The following INPP4B variants were observed in gnomAD, a reference collection of about 807,000 sequenced individuals.
INPP4B encodes inositol polyphosphate 4-phosphatase type II.
Under a neutral mutation model 122.5 loss-of-function variants are expected in INPP4B, and 55 were observed. That is an observed-to-expected ratio of 0.45 (90% CI 0.36 to 0.56). The LOEUF is 0.56. INPP4B is among the 20% of genes least tolerant of loss of function. INPP4B has a pLI of 0.00. For synonymous variants in INPP4B, 403 were observed against 388.7 expected (o/e 1.04, Z -0.43); for missense variants, 1,000 against 1,097.7 (o/e 0.91, Z 1.26).
chr4:142,116,997 A>G (rs965271192), intron 21 of INPP4B, among the ~76,000 whole-genome samples: 6 of 152,232 alleles, frequency 3.9e-5, no homozygotes, highest in Admixed American at 3.3e-4. Context: ...CTGATCTCAC[A>G]GAAATACAAA....
intron 13 of INPP4B, 146 bp downstream of exon 13, chr4:142,208,750 T>C (rs780324630): frequency 2.7e-4 from 166 of 616,098 alleles, no homozygotes; most frequent in Non-Finnish European, 3.4e-4. Context: ...TTTTTCTTTG[T>C]TTTAAGATGT....
intron 1 of INPP4B, among the ~76,000 whole-genome samples, chr4:142,837,407 A>T (rs938123191): frequency 2.6e-5 from 4 of 152,142 alleles, no homozygotes; most frequent in African/African-American, 9.7e-5. Flanking sequence ...TCTGAGTAAA[A>T]TCAATCTTGG....
At chr4:142,410,842 CA>C (rs1258781137) in intron 5 of INPP4B, among the ~76,000 whole-genome samples, 2 of 152,070 alleles carry the variant, frequency 1.3e-5, no homozygotes, top group Non-Finnish European at 2.9e-5. Flanking sequence ...TGCATTAACA[CA>C]AAAAATGGAT....
chr4:142,195,789 T>A (rs2627831), intron 14 of INPP4B, among the ~76,000 whole-genome samples: 1 of 152,102 alleles, frequency 6.6e-6, no homozygotes, highest in Admixed American at 6.5e-5. Flanking sequence ...TTTAAATAAC[T>A]AACTTTTGCC....
At chr4:142,414,075 T>A (rs1355492876) in intron 5 of INPP4B, among the ~76,000 whole-genome samples, 1 of 152,182 alleles carries the variant, frequency 6.6e-6, no homozygotes, top group African/African-American at 2.4e-5. Context: ...CTTGCCACAT[T>A]GAGATTTGAG....
At chr4:142,456,179 T>C (rs1313072614) in intron 3 of INPP4B, among the ~76,000 whole-genome samples, 4 of 146,344 alleles carry the variant, frequency 2.7e-5, no homozygotes, top group African/African-American at 1.0e-4. Context: ...TTGTCCATTT[T>C]TGCTTGGTTG....
At chr4:142,340,630 C>G (rs1778386516) in intron 7 of INPP4B, among the ~76,000 whole-genome samples, 1 of 152,090 alleles carries the variant, frequency 6.6e-6, no homozygotes, top group African/African-American at 2.4e-5. Context: ...CCAGGCTGGT[C>G]TTGAACTCCT....
intron 3 of INPP4B, among the ~76,000 whole-genome samples, chr4:142,447,030 T>C (rs1428904558): frequency 1.3e-5 from 2 of 152,232 alleles, no homozygotes; most frequent in Admixed American, 6.5e-5. Flanking sequence ...TTTTTCTTTA[T>C]ATCTGTTATG....
chr4:142,805,219 T>C lies in INPP4B; in HGVS notation c.-254+40990A>G, dbSNP rs373120408. Among the ~76,000 whole-genome samples, 20 of 152,326 alleles carry C rather than the reference T, an allele frequency of 1.3e-4. No homozygotes were observed. The East Asian group carries it at 2.7e-3, about 21-fold the overall frequency. On this transcript the variant is annotated intron_variant, in intron 1 of 25. Coordinates refer to ENST00000262992, the MANE Select transcript of INPP4B (RefSeq NM_001101669.3). ...GGCTAAATCCTTAACATAATTTCAC[T>C]GAAAAATATTCTTAGTACGTAAACA...
intron 1 of INPP4B, among the ~76,000 whole-genome samples, chr4:142,754,425 G>A (rs951865725): frequency 6.6e-6 from 1 of 151,926 alleles, no homozygotes; most frequent in Non-Finnish European, 1.5e-5. Context: ...GTATATACCT[G>A]CTTTTTCTTT....
chr4:142,144,921 T>C (rs1282855734), intron 18 of INPP4B, among the ~76,000 whole-genome samples: 1 of 152,086 alleles, frequency 6.6e-6, no homozygotes, highest in Non-Finnish European at 1.5e-5. Flanking sequence ...GACTCTTTTT[T>C]TTTAAAGTAA....
chr4:142,660,412 C>A (rs1350981048), intron 2 of INPP4B, among the ~76,000 whole-genome samples: 2 of 152,070 alleles, frequency 1.3e-5, no homozygotes, highest in African/African-American at 4.8e-5. Context: ...AAAATGTATC[C>A]TGAACCCCTG....
At chr4:142,383,098 G>A (rs992358566) in intron 7 of INPP4B, among the ~76,000 whole-genome samples, 1 of 151,972 alleles carries the variant, frequency 6.6e-6, no homozygotes, top group Non-Finnish European at 1.5e-5. Flanking sequence ...GTTGATAGAT[G>A]TACTGATATT....
chr4:142,681,583 G>C (rs1758622695), intron 2 of INPP4B, among the ~76,000 whole-genome samples: 3 of 151,838 alleles, frequency 2.0e-5, no homozygotes, highest in Non-Finnish European at 4.4e-5. Flanking sequence ...GAGAGAGCAT[G>C]ATAGAAGAGG....
intron 10 of INPP4B, among the ~76,000 whole-genome samples, chr4:142,260,817 AAATG>A (rs1345102649): frequency 6.6e-6 from 1 of 152,212 alleles, no homozygotes; most frequent in East Asian, 1.9e-4. Context: ...AAAATGAGAA[AAATG>A]ATTATCCCCA....
chr4:142,687,995 G>T (rs1172443921), intron 2 of INPP4B, among the ~76,000 whole-genome samples: 2 of 151,896 alleles, frequency 1.3e-5, no homozygotes, highest in Non-Finnish European at 2.9e-5. Context: ...TTTTTGCCTT[G>T]AAAGAAACAC....
intron 2 of INPP4B, among the ~76,000 whole-genome samples, chr4:142,483,929 G>T (rs17016207): frequency 0.17 from 25,222 of 151,952 alleles, 2,316 homozygotes; most frequent in East Asian, 0.36. Context: ...GTTGGTGAGA[G>T]AGAAGTTGGT....
At chr4:142,822,526 C>T (rs1333855510) in intron 1 of INPP4B, among the ~76,000 whole-genome samples, 1 of 152,128 alleles carries the variant, frequency 6.6e-6, no homozygotes, top group Non-Finnish European at 1.5e-5. Flanking sequence ...CTATTGTGAA[C>T]TCTGCATGCA....
At chr4:142,480,989 G>A (rs1021740855) in intron 2 of INPP4B, among the ~76,000 whole-genome samples, 1 of 151,850 alleles carries the variant, frequency 6.6e-6, no homozygotes, top group Non-Finnish European at 1.5e-5. Flanking sequence ...ATAAAAATTA[G>A]CTGGGCATGG....
Sources: allele counts gnomAD v4.1 joint callset (sites outside exome capture counted in the v4.1 genomes callset), GRCh38; gene constraint gnomAD v4.1.1; transcripts MANE v1.5; gene names NCBI Gene and HGNC (gene_info 2026-07-23, HGNC 2026-07-21).